VEGFA: variants seen among roughly 807,000 people sequenced by gnomAD.
The protein encoded by VEGFA is vascular endothelial growth factor A, long form.
In VEGFA, 20 loss-of-function variants were observed where a neutral mutation model predicts 49.7. The ratio of observed to expected loss-of-function variants is 0.40; its 90% CI spans 0.28 to 0.58. The LOEUF is 0.58. Ranked by LOEUF, VEGFA falls within the 20% of genes least tolerant of loss-of-function variation. The probability of loss-of-function intolerance (pLI) is 0.40; values close to 1 mark genes in which losing one functional copy is unlikely to be tolerated. For synonymous variants in VEGFA, 219 were observed against 223.4 expected, an observed-to-expected ratio of 0.98 and a Z score of 0.18; for missense variants, 505 against 553.5, an observed-to-expected ratio of 0.91 and a Z score of 0.88.
chr6:43,777,850 TC>T lies in VEGFA; in HGVS notation c.855+188del. 1.5e-6 allele frequency: 1 copy of T among 663,568 alleles called. No homozygotes were observed. Among genetic ancestry groups the T allele is most frequent in the Non-Finnish European group, 2.5e-6 (1 of 392,780 alleles). The allele number at this position is 663,568 out of a possible 1,614,324, so 41.1% of individuals were successfully genotyped here. A position where few individuals can be genotyped will look rare whatever the true frequency, so the allele number is the denominator to read the frequency against. On this transcript the variant is annotated intron_variant, in intron 3 of 7. Coordinates refer to ENST00000672860, the MANE Select transcript of VEGFA (RefSeq NM_003376.6). The surrounding 1 kb of genome is among the most constrained non-coding windows in gnomAD (Gnocchi z 4.3). ...AAGATGCTTCATTCCCAGCCCAGGT[TC>T]CCAGCAAGCCCCAACCATCTCCTTC...
rs1386950954 is a variant in VEGFA at position 43,770,486 on chromosome 6, T to C, written c.-221T>C. ...CGACGGCTTGGGGAGATTGCTCTAC[T>C]TCCCCAAATCACTGTGGATTTTGGA... On this transcript the variant is annotated 5_prime_UTR_variant, in exon 1 of 8. Transcript: ENST00000672860. The C allele has an allele frequency of 9.4e-7, 1 of 1,060,662 alleles. No homozygotes were observed. 65.7% of individuals were successfully genotyped at this position (1,060,662 alleles called of 1,614,324 possible).
At chr6:43,772,807 G>A (rs1426583476) in intron 1 of VEGFA, among the ~76,000 whole-genome samples, 2 of 152,196 alleles carry the variant, frequency 1.3e-5, no homozygotes, top group South Asian at 2.1e-4. Context: ...TCAGACCCTG[G>A]CACAAAGGCC....
At chr6:43,780,619 C>A in intron 5 of VEGFA, 113 bp from the exon 6 acceptor site, 2 of 1,481,622 alleles carry the variant, frequency 1.3e-6, no homozygotes, top group Non-Finnish European at 1.8e-6. Flanking sequence ...CTCCGGGAAG[C>A]GGCCCTGTGT....
chr6:43,780,840 C>G (rs765956779), intron 6 of VEGFA, 37 bp downstream of exon 6: 5 of 1,613,638 alleles, frequency 3.1e-6, no homozygotes, highest in Non-Finnish European at 4.2e-6. Flanking sequence ...TGCCCTGGAG[C>G]CTCCCTGGCC....
chr6:43,780,647 T>TC, intron 5 of VEGFA, 85 bp from the exon 6 acceptor site: 3 of 1,563,412 alleles, frequency 1.9e-6, no homozygotes, highest in Non-Finnish European at 2.6e-6. Flanking sequence ...CTTTGGTCGT[T>TC]CCCCCATCCC....
Position 43,786,132 on chromosome 6 carries a change from T to A in VEGFA, c.*1570T>A. On this transcript the variant is annotated 3_prime_UTR_variant, in exon 8 of 8. Coordinates refer to ENST00000672860, the MANE Select transcript of VEGFA (RefSeq NM_003376.6). ...CATACTATATATATATTTGGCAACTTGTATTTGTGTGTATATATATATATA... is the reference window on the plus strand; with the variant it reads ...CATACTATATATATATTTGGCAACTAGTATTTGTGTGTATATATATATATA... The A allele has an allele frequency of 5.6e-6, 1 of 179,388 alleles. No individual in the cohort carries two copies. The highest frequency in any genetic ancestry group is 9.7e-5 in the East Asian group (1 of 10,312). The allele number at this position is 179,388 out of a possible 1,614,324, so 11.1% of individuals were successfully genotyped here.
In VEGFA at chr6:43,770,371, C is replaced by T. The variant is rs1288127768; in HGVS notation, c.-336C>T. 5.8e-6 allele frequency: 2 copies of T among 341,974 alleles called. No homozygotes were observed. Among genetic ancestry groups the T allele is most frequent in the African/African-American group, 4.2e-5 (2 of 47,436 alleles). The allele number at this position is 341,974 out of a possible 1,614,324, so 21.2% of individuals were successfully genotyped here. ...ATATTCATTGATCCGGGTTTTATCC[C>T]TCTTCTTTTTTCTTAAACATTTTTT... On this transcript the variant is annotated 5_prime_UTR_variant, in exon 1 of 8. Coordinates refer to ENST00000672860, the MANE Select transcript of VEGFA (RefSeq NM_003376.6).
At chr6:43,780,936 C>A in intron 6 of VEGFA, 133 bp downstream of exon 6, 1 of 1,594,800 alleles carries the variant, frequency 6.3e-7, no homozygotes, top group South Asian at 1.1e-5. Flanking sequence ...TGGCCCGTGT[C>A]TCTCTCTCAC....
chr6:43,771,170 A>C lies in VEGFA; in HGVS notation c.464A>C (p.Glu155Ala). 2 of 1,571,876 alleles carry C rather than the reference A, an allele frequency of 1.3e-6. No homozygotes were observed. Among genetic ancestry groups the C allele is most frequent in the Non-Finnish European group, 1.7e-6 (2 of 1,163,386 alleles). Reference sequence around the variant, plus strand: ...GGAAGAGTAGCTCGCCGAGGCGCCGAGGAGAGCGGGCCGCCCCACAGCCCG... The same window carrying C: ...GGAAGAGTAGCTCGCCGAGGCGCCGCGGAGAGCGGGCCGCCCCACAGCCCG... Residue 155 changes from glutamate (E) to alanine (A), a missense_variant, in exon 1 of 8, where the codon GAG becomes GCG. By Grantham distance (107) the Glu-to-Ala change is moderately radical. This residue lies in a region of VEGFA where 340 missense variants were observed against 321.8 expected (regional missense o/e 1.06). Coordinates refer to ENST00000672860, the MANE Select transcript of VEGFA (RefSeq NM_003376.6).
intron 6 of VEGFA, chr6:43,781,664 A>T (rs1356592928): frequency 6.5e-5 from 26 of 401,314 alleles, no homozygotes; most frequent in Non-Finnish European, 9.5e-6. Context: ...GTGGCCTGAG[A>T]CTCACCCTTG....
At chr6:43,780,686 C>T (rs1767269841) in intron 5 of VEGFA, 46 bp from the exon 6 acceptor site, 1 of 1,597,522 alleles carries the variant, frequency 6.3e-7, no homozygotes, top group Admixed American at 1.7e-5. Context: ...TTTTACTCCC[C>T]CCACCGCCCC....
In VEGFA at chr6:43,773,824, C is replaced by T. The variant is rs1197576315; in HGVS notation, c.607-517C>T. The stretch of plus-strand genomic sequence containing the variant: ...TGGATGGGGGAGGGTGGTTGGTGCC[C>T]TTCGGTCCTCGGCACCCCCCTCCGT... On this transcript the variant is annotated intron_variant, in intron 1 of 7. Transcript: ENST00000672860. The surrounding 1 kb of genome is among the most constrained non-coding windows in gnomAD (Gnocchi z 5.6). 1.6e-5 allele frequency: 3 copies of T among 183,122 alleles called. No individual in the cohort carries two copies. Among genetic ancestry groups the T allele is most frequent in the Non-Finnish European group, 2.4e-5 (2 of 84,288 alleles). 11.3% of individuals were successfully genotyped at this position (183,122 alleles called of 1,614,324 possible).
Position 43,777,746 on chromosome 6 carries a change from C to T in VEGFA, c.855+81C>T, listed in dbSNP as rs935554868. 3.4e-6 allele frequency: 5 copies of T among 1,462,614 alleles called. No individual in the cohort carries two copies. Among genetic ancestry groups the T allele is most frequent in the Non-Finnish European group, 4.6e-6 (5 of 1,083,728 alleles). The allele number at this position is 1,462,614 out of a possible 1,614,324, so 90.6% of individuals were successfully genotyped here. A position where few individuals can be genotyped will look rare whatever the true frequency, so the allele number is the denominator to read the frequency against. On this transcript the variant is annotated intron_variant, in intron 3 of 7. Transcript: ENST00000672860. The surrounding 1 kb of genome is among the most constrained non-coding windows in gnomAD (Gnocchi z 4.3). ...GGGAACAGGTGGTCCCAGGTCGTTT[C>T]CTGGCTAGATTTGCCTTGTCTGGCT...
chr6:43,782,308 C>T (rs948446626), intron 7 of VEGFA: 7 of 635,764 alleles, frequency 1.1e-5, no homozygotes, highest in South Asian at 9.1e-5. Context: ...GGGCCTGTTC[C>T]GAGGTTGCCC....
chr6:43,780,579 C>T, intron 5 of VEGFA, 153 bp from the exon 6 acceptor site: 1 of 1,116,520 alleles, frequency 9.0e-7, no homozygotes, highest in Non-Finnish European at 1.3e-6. Flanking sequence ...GCGCATGCCT[C>T]CCCAGAGACC....
Position 43,784,785 on chromosome 6 carries a change from C to T in VEGFA, c.*223C>T, listed in dbSNP as rs937769907. ...AGACTCCGGCGGAAGCATTCCCGGG[C>T]GGGTGACCCAGCACGGTCCCTCTTG... On this transcript the variant is annotated 3_prime_UTR_variant, in exon 8 of 8. Transcript: ENST00000672860. 2.1e-5 allele frequency: 16 copies of T among 778,764 alleles called. No individual in the cohort carries two copies. Among genetic ancestry groups the T allele is most frequent in the African/African-American group, 3.4e-5 (2 of 58,088 alleles). 48.2% of individuals were successfully genotyped at this position (778,764 alleles called of 1,614,324 possible). A position where few individuals can be genotyped will look rare whatever the true frequency, so the allele number is the denominator to read the frequency against.
At chr6:43,776,148 C>T (rs1343950886) in intron 2 of VEGFA, 2 of 152,358 alleles carry the variant, frequency 1.3e-5, no homozygotes, top group South Asian at 4.1e-4. Flanking sequence ...CAAAACACCA[C>T]CTTTTTCAGC....
intron 7 of VEGFA, chr6:43,783,154 C>T (rs1275103769): frequency 6.6e-6 from 1 of 152,260 alleles, no homozygotes; most frequent in African/African-American, 2.4e-5. Context: ...TCTTTTAATG[C>T]CTTAGCTTAT....
Position 43,784,893 on chromosome 6 carries a change from T to C in VEGFA, c.*331T>C. ...GAGAGTTTTATTTCTGGGATTCCTG[T>C]AGACACACCCACCCACATACATACA... On this transcript the variant is annotated 3_prime_UTR_variant, in exon 8 of 8. Transcript: ENST00000672860. 1 of 493,540 alleles carries C rather than the reference T, an allele frequency of 2.0e-6. No homozygotes were observed. Among genetic ancestry groups the C allele is most frequent in the South Asian group, 2.3e-5 (1 of 43,274 alleles). 30.6% of individuals were successfully genotyped at this position (493,540 alleles called of 1,614,324 possible). A position where few individuals can be genotyped will look rare whatever the true frequency, so the allele number is the denominator to read the frequency against.
Sources: gnomAD v4.1 joint callset for allele counts (sites outside exome capture counted in the v4.1 genomes callset) on GRCh38, gnomAD v4.1.1 for gene constraint, gnomAD v4.1.1 regional missense constraint, Gnocchi (gnomAD v3.1) non-coding constraint, MANE v1.5 for transcripts, NCBI Gene and HGNC (gene_info 2026-07-23, HGNC 2026-07-21) for gene names.